DROSHA: variants seen among roughly 807,000 people sequenced by gnomAD.
The protein encoded by DROSHA is ribonuclease 3.
A neutral mutation model predicts 181.9 loss-of-function variants in DROSHA; 56 were observed. The observed-to-expected ratio is 0.31, with a 90% confidence interval of 0.25 to 0.38. The LOEUF (loss-of-function observed/expected upper bound fraction) is 0.38, where lower values mean the gene tolerates loss of function less well. Among genes scored for constraint, DROSHA ranks in the 10% least tolerant of loss-of-function variants. The pLI is 1.00. For missense variants in DROSHA, 1,218 were observed against 1,743.5 expected, an observed-to-expected ratio of 0.70 and a Z score of 5.37; for synonymous variants, 524 against 591.2, an observed-to-expected ratio of 0.89 and a Z score of 1.65.
intron 35 of DROSHA, among the ~76,000 whole-genome samples, chr5:31,403,063 T>G (rs1740221772): frequency 6.6e-6 from 1 of 152,218 alleles, no homozygotes; most frequent in African/African-American, 2.4e-5. Flanking sequence ...TGAGCCACCA[T>G]GCCCGGCCCA....
In DROSHA at chr5:31,421,211, C is replaced by T. The variant is rs1580020852; in HGVS notation, c.3525+61G>A. The T allele has an allele frequency of 2.1e-5, 27 of 1,276,252 alleles. No individual in the cohort carries two copies. In the East Asian group the frequency reaches 5.8e-4, roughly 27 times the overall value. 79.1% of individuals were successfully genotyped at this position (1,276,252 alleles called of 1,614,324 possible). A position where few individuals can be genotyped will look rare whatever the true frequency, so the allele number is the denominator to read the frequency against. On this transcript the variant is annotated intron_variant, in intron 30 of 35. Transcript: ENST00000344624. ...TAATTACATAGATATATATTTGACC[C>T]CTCTAATCTTCACTCTGCTTTACAG... is the stretch of plus-strand genomic sequence containing the variant.
At chr5:31,451,729 C>T in intron 20 of DROSHA, 89 bp from the exon 21 acceptor site, 2 of 1,069,238 alleles carry the variant, frequency 1.9e-6, no homozygotes, top group South Asian at 3.0e-5. Context: ...ACCATTTTCA[C>T]ATTCCAAATT....
chr5:31,529,734 C>CAAAAAAA (rs70955715), intron 3 of DROSHA, among the ~76,000 whole-genome samples: 3 of 91,330 alleles, frequency 3.3e-5, no homozygotes, highest in African/African-American at 1.2e-4. Flanking sequence ...AAAAAACAAA[C>CAAAAAAA]AAAAAAAAAA....
intron 16 of DROSHA, among the ~76,000 whole-genome samples, chr5:31,478,836 G>A (rs1460159971): frequency 2.0e-5 from 3 of 152,212 alleles, no homozygotes; most frequent in African/African-American, 7.2e-5. Flanking sequence ...AAATTGGTAT[G>A]TCCTTTCTAG....
intron 3 of DROSHA, among the ~76,000 whole-genome samples, 165 bp downstream of exon 3, chr5:31,530,630 CAAA>C (rs34124311): frequency 4.4e-5 from 5 of 112,686 alleles, no homozygotes; most frequent in Non-Finnish European, 3.5e-5. Flanking sequence ...AACTCTAGCT[CAAA>C]AAAAAAAAAA....
chr5:31,483,292 A>G (rs143915006), intron 16 of DROSHA, among the ~76,000 whole-genome samples: 1 of 152,280 alleles, frequency 6.6e-6, no homozygotes, highest in African/African-American at 2.4e-5. Context: ...CTCCACATTA[A>G]CACACCCGCA....
intron 11 of DROSHA, among the ~76,000 whole-genome samples, chr5:31,501,485 G>A (rs1753565021): frequency 6.6e-6 from 1 of 151,934 alleles, no homozygotes; most frequent in Non-Finnish European, 1.5e-5. Flanking sequence ...GTCAACCCAG[G>A]CATCAAAACC....
chr5:31,412,920 T>G (rs1304198497), intron 30 of DROSHA, among the ~76,000 whole-genome samples: 2 of 152,172 alleles, frequency 1.3e-5, no homozygotes, highest in African/African-American at 4.8e-5. Flanking sequence ...ATAGGATGGC[T>G]ACTATGGGAA....
intron 20 of DROSHA, among the ~76,000 whole-genome samples, chr5:31,452,798 G>A (rs991780630): frequency 6.6e-6 from 1 of 152,154 alleles, no homozygotes; most frequent in Non-Finnish European, 1.5e-5. Flanking sequence ...GCACCTCCAC[G>A]TGTAAGGCCT....
Position 31,409,267 on chromosome 5 carries a change from A to G in DROSHA, c.3733T>C (p.Phe1245Leu), listed in dbSNP as rs1297917885. 5.6e-6 allele frequency: 9 copies of G among 1,596,276 alleles called. No homozygotes were observed. Among genetic ancestry groups the G allele is most frequent in the Non-Finnish European group, 7.7e-6 (9 of 1,170,754 alleles). ...GAGCTTACTTTCAATCGTGGAAAGA[A>G]GCAGACATTCATGAAAGTATGAACA... ...EYVHTFMNVC[F>L]FPRLKEFILN... is the part of the protein sequence containing the mutation. Residue 1245 changes from phenylalanine (F) to leucine (L), a missense_variant, in exon 32 of 36, where the codon TTC (phenylalanine) becomes CTC (leucine). Phe to Leu is a conservative substitution (Grantham distance 22, BLOSUM62 0). Around this residue, in one of 8 missense-constraint regions of DROSHA, gnomAD observed 47 missense variants for 70.6 expected, o/e 0.67. Coordinates refer to ENST00000344624, the MANE Select transcript of DROSHA (RefSeq NM_001382508.1). The surrounding 1 kb of genome is among the most constrained non-coding windows in gnomAD (Gnocchi z 4.0).
chr5:31,456,413 G>T (rs1229621366), intron 20 of DROSHA, among the ~76,000 whole-genome samples: 3 of 150,416 alleles, frequency 2.0e-5, no homozygotes, highest in African/African-American at 7.3e-5. Context: ...TGAGAGAGAG[G>T]ATTATGGGAA....
rs116318229 is a variant in DROSHA at position 31,530,813 on chromosome 5, A to G, written c.-62T>C. 282 of 398,440 alleles carry G rather than the reference A, an allele frequency of 7.1e-4. 2 individuals carry two copies. The highest frequency in any genetic ancestry group is 5.3e-3 in the African/African-American group (258 of 48,664). The allele number at this position is 398,440 out of a possible 1,614,324, so 24.7% of individuals were successfully genotyped here. ...CAGCACTTACCAGAGACTGCCTCAT[A>G]TCATAGTGAAGTATGCACACGTCTA... On this transcript the variant is annotated 5_prime_UTR_variant, in exon 3 of 36. Transcript: ENST00000344624.
At chr5:31,529,514 T>A (rs1740976456) in intron 3 of DROSHA, among the ~76,000 whole-genome samples, 1 of 151,974 alleles carries the variant, frequency 6.6e-6, no homozygotes, top group Non-Finnish European at 1.5e-5. Flanking sequence ...GGCAGGTGGA[T>A]CACGAGGGCA....
chr5:31,460,674 T>A (rs1580172236), intron 20 of DROSHA, among the ~76,000 whole-genome samples: 1 of 152,220 alleles, frequency 6.6e-6, no homozygotes, highest in Non-Finnish European at 1.5e-5. Context: ...AGACTTTGAA[T>A]AATCATAAAA....
intron 5 of DROSHA, 123 bp downstream of exon 5, chr5:31,525,956 G>T: frequency 1.0e-6 from 1 of 975,544 alleles, no homozygotes; most frequent in Non-Finnish European, 1.5e-6. Flanking sequence ...TCCAAAATGT[G>T]CTTCCTTTCC....
In DROSHA at chr5:31,483,567, T is replaced by C; in HGVS notation, c.2058A>G (p.Val686=). 6.2e-7 allele frequency: 1 copy of C among 1,612,204 alleles called. No individual in the cohort carries two copies. The highest frequency in any genetic ancestry group is 8.5e-7 in the Non-Finnish European group (1 of 1,179,620). The change falls in exon 16 of 36, where the codon GTA becomes GTG. Residue 686 remains valine, a synonymous_variant. Transcript: ENST00000344624. The part of the protein sequence containing the change: ...CPRFHFMPRF[V]RFLPDGGKEV... Reference sequence around the variant, plus strand: ...CAGAAGATTTACCTGGAAGAAATCTTACAAAACGTGGCATGAAATGAAATC... The same window carrying C: ...CAGAAGATTTACCTGGAAGAAATCTCACAAAACGTGGCATGAAATGAAATC...
At chr5:31,511,663 ATACTC>A (rs965887740) in intron 8 of DROSHA, among the ~76,000 whole-genome samples, 6 of 151,588 alleles carry the variant, frequency 4.0e-5, no homozygotes, top group African/African-American at 1.5e-4. Context: ...CTGTGCCACT[ATACTC>A]TAGCCTGGGT....
intron 23 of DROSHA, among the ~76,000 whole-genome samples, chr5:31,447,852 T>C (rs922731409): frequency 6.6e-6 from 1 of 152,076 alleles, no homozygotes; most frequent in African/African-American, 2.4e-5. Flanking sequence ...AGACAGACAA[T>C]AACAAGTGTT....
At chr5:31,469,281 C>A (rs532646471) in intron 17 of DROSHA, among the ~76,000 whole-genome samples, 1 of 152,048 alleles carries the variant, frequency 6.6e-6, no homozygotes, top group African/African-American at 2.4e-5. Context: ...CACTTGAACC[C>A]GGGAGGCGGA....
Sources: gnomAD v4.1 joint callset for allele counts (sites outside exome capture counted in the v4.1 genomes callset) on GRCh38, gnomAD v4.1.1 for gene constraint, gnomAD v4.1.1 regional missense constraint, Gnocchi (gnomAD v3.1) non-coding constraint, MANE v1.5 for transcripts, NCBI Gene and HGNC (gene_info 2026-07-23, HGNC 2026-07-21) for gene names.